Variants in PPFIA2 observed in about 807,000 individuals in gnomAD.
The protein encoded by PPFIA2 is liprin-alpha-2.
Under a neutral mutation model 175.5 loss-of-function variants are expected in PPFIA2, and 46 were observed. The ratio of observed to expected loss-of-function variants is 0.26; its 90% CI spans 0.21 to 0.34. The LOEUF (loss-of-function observed/expected upper bound fraction) is 0.34, where lower values mean the gene tolerates loss of function less well. Among genes scored for constraint, PPFIA2 ranks in the 10% least tolerant of loss-of-function variants. The pLI, the probability that PPFIA2 is intolerant of heterozygous loss-of-function variation, is 1.00. For missense variants in PPFIA2, 1,179 were observed against 1,506.1 expected (o/e 0.78, Z 3.60); for synonymous variants, 568 against 511.4 (o/e 1.11, Z -1.49).
At chr12:81,704,677 T>C (rs1345479015) in intron 3 of PPFIA2, among the ~76,000 whole-genome samples, 3 of 152,096 alleles carry the variant, frequency 2.0e-5, no homozygotes, top group Non-Finnish European at 4.4e-5. Context: ...TTCATTTGCC[T>C]TGGGAAGTTT....
At chr12:81,419,018 A>G (rs1166645565) in intron 7 of PPFIA2, among the ~76,000 whole-genome samples, 1 of 152,000 alleles carries the variant, frequency 6.6e-6, no homozygotes, top group Non-Finnish European at 1.5e-5. Flanking sequence ...CCTTCTATAG[A>G]GGTGAAATTT....
chr12:81,343,460 C>T (rs1397063050), intron 19 of PPFIA2, among the ~76,000 whole-genome samples: 4 of 151,704 alleles, frequency 2.6e-5, no homozygotes, highest in Admixed American at 6.6e-5. Context: ...GATAATAGCC[C>T]AGGAAAATAA....
At chr12:81,485,391 AT>A (rs919935405) in intron 4 of PPFIA2, among the ~76,000 whole-genome samples, 25 of 151,740 alleles carry the variant, frequency 1.6e-4, no homozygotes, top group African/African-American at 6.0e-4. Flanking sequence ...ATAAATATAT[AT>A]TTTTTAAAAA....
At chr12:81,395,934 A>G (rs1428376230) in intron 8 of PPFIA2, among the ~76,000 whole-genome samples, 1 of 152,034 alleles carries the variant, frequency 6.6e-6, no homozygotes, top group African/African-American at 2.4e-5. Context: ...CTTCCAGTCT[A>G]ATACATTGTA....
intron 4 of PPFIA2, among the ~76,000 whole-genome samples, chr12:81,595,110 C>T (rs1342292502): frequency 1.3e-5 from 2 of 151,682 alleles, no homozygotes; most frequent in African/African-American, 4.8e-5. Context: ...CATGATTAAC[C>T]ACTCAGTAGG....
intron 6 of PPFIA2, among the ~76,000 whole-genome samples, chr12:81,442,362 A>G (rs1488156318): frequency 6.6e-6 from 1 of 152,072 alleles, no homozygotes; most frequent in African/African-American, 2.4e-5. Context: ...TTGGGGAATT[A>G]TCACTCCTAC....
At chr12:81,661,245 C>G (rs1479312534) in intron 4 of PPFIA2, among the ~76,000 whole-genome samples, 1 of 152,200 alleles carries the variant, frequency 6.6e-6, no homozygotes, top group East Asian at 1.9e-4. Context: ...TTAAAAGACA[C>G]AGACTGGCAA....
At chr12:81,342,889 C>G (rs1025134026) in intron 19 of PPFIA2, among the ~76,000 whole-genome samples, 3 of 151,768 alleles carry the variant, frequency 2.0e-5, no homozygotes, top group African/African-American at 7.3e-5. Flanking sequence ...CAGCATGGCA[C>G]ATGTATACAT....
At chr12:81,480,319 T>C (rs762417663) in intron 4 of PPFIA2, among the ~76,000 whole-genome samples, 8 of 152,214 alleles carry the variant, frequency 5.3e-5, no homozygotes, top group Admixed American at 1.3e-4. Flanking sequence ...CTAACCTTTT[T>C]TCAAGGTTCT....
At chr12:81,315,006 A>C (rs1594673828) in intron 22 of PPFIA2, among the ~76,000 whole-genome samples, 1 of 151,832 alleles carries the variant, frequency 6.6e-6, no homozygotes, top group African/African-American at 2.4e-5. Flanking sequence ...TCTGAGTAAA[A>C]GAATAGCCTA....
chr12:81,409,921 T>G (rs951400116), intron 7 of PPFIA2, among the ~76,000 whole-genome samples: 30 of 152,172 alleles, frequency 2.0e-4, no homozygotes, highest in African/African-American at 7.0e-4. Flanking sequence ...TTTGAATATA[T>G]GCCCTCCTCC....
intron 8 of PPFIA2, among the ~76,000 whole-genome samples, chr12:81,391,924 T>C (rs1221128623): frequency 6.6e-6 from 1 of 151,250 alleles, no homozygotes; most frequent in Non-Finnish European, 1.5e-5. Context: ...AGGGTGGGAG[T>C]GGATATAGAT....
intron 4 of PPFIA2, among the ~76,000 whole-genome samples, chr12:81,568,633 C>T (rs1054324451): frequency 6.6e-6 from 1 of 152,182 alleles, no homozygotes; most frequent in Non-Finnish European, 1.5e-5. Flanking sequence ...TTCCATCCTA[C>T]AGGGGATACA....
chr12:81,428,806 C>G (rs1255487604), intron 7 of PPFIA2, among the ~76,000 whole-genome samples: 1 of 151,918 alleles, frequency 6.6e-6, no homozygotes, highest in Non-Finnish European at 1.5e-5. Flanking sequence ...AATACGTTCC[C>G]AATAAGTGGG....
At chr12:81,755,890 A>G (rs2084574297) in intron 2 of PPFIA2, among the ~76,000 whole-genome samples, 1 of 152,116 alleles carries the variant, frequency 6.6e-6, no homozygotes, top group South Asian at 2.1e-4. Context: ...ACTTGATACT[A>G]CTGTTACACA....
At chr12:81,418,544 A>G (rs1159695697) in intron 7 of PPFIA2, among the ~76,000 whole-genome samples, 2 of 151,992 alleles carry the variant, frequency 1.3e-5, no homozygotes, top group East Asian at 1.9e-4. Context: ...AAAATGGCCA[A>G]ACTCATTTGT....
At chr12:81,692,297 T>TATCA (rs1466451062) in intron 3 of PPFIA2, among the ~76,000 whole-genome samples, 2 of 152,104 alleles carry the variant, frequency 1.3e-5, no homozygotes, top group Non-Finnish European at 2.9e-5. Context: ...CCTGAGCTGA[T>TATCA]GTCAGCCCTA....
intron 21 of PPFIA2, among the ~76,000 whole-genome samples, chr12:81,335,994 CATTT>C (rs2057071762): frequency 6.6e-6 from 1 of 152,124 alleles, no homozygotes; most frequent in Non-Finnish European, 1.5e-5. Flanking sequence ...CTCACTGATT[CATTT>C]GAGTCTACAT....
At chr12:81,500,170 A>T (rs1159390399) in intron 4 of PPFIA2, among the ~76,000 whole-genome samples, 1 of 152,148 alleles carries the variant, frequency 6.6e-6, no homozygotes, top group Non-Finnish European at 1.5e-5. Flanking sequence ...GGCCATATTC[A>T]AATCAAAATC....
Sources: allele counts gnomAD v4.1 joint callset (sites outside exome capture counted in the v4.1 genomes callset), GRCh38; gene constraint gnomAD v4.1.1; transcripts MANE v1.5; gene names NCBI Gene and HGNC (gene_info 2026-07-23, HGNC 2026-07-21).